Variants in PRELID2 observed in about 807,000 individuals in gnomAD.
The protein encoded by PRELID2 is PRELI domain-containing protein 2.
In PRELID2, 25 loss-of-function variants were observed where a neutral mutation model predicts 28.4. The observed-to-expected ratio is 0.88, with a 90% CI of 0.64 to 1.23. PRELID2 has a LOEUF of 1.23. Among genes scored for constraint, PRELID2 ranks in the 50% most tolerant of loss-of-function variants. The probability of loss-of-function intolerance (pLI) is 0.00; values close to 1 mark genes in which losing one functional copy is unlikely to be tolerated. For missense variants in PRELID2, 201 were observed against 214.4 expected (o/e 0.94, Z 0.39); for synonymous variants, 76 against 71.6 (o/e 1.06, Z -0.31).
chr5:145,799,166 T>A (rs1200133463), intron 4 of PRELID2, among the ~76,000 whole-genome samples: 2 of 150,616 alleles, frequency 1.3e-5, no homozygotes, highest in African/African-American at 4.9e-5. Context: ...TTCAGTAGAT[T>A]ACTTGGCAGA....
intron 1 of PRELID2, among the ~76,000 whole-genome samples, chr5:145,608,415 G>T (rs979908357): frequency 3.9e-5 from 6 of 152,112 alleles, no homozygotes; most frequent in Non-Finnish European, 7.4e-5. Flanking sequence ...CTCCCTTAAG[G>T]ATCTCTTGTA....
intron 1 of PRELID2, among the ~76,000 whole-genome samples, chr5:145,547,024 G>T: frequency 6.6e-6 from 1 of 152,272 alleles, no homozygotes; most frequent in East Asian, 1.9e-4. Flanking sequence ...GAAATGCTTA[G>T]CACAATGTCT....
the PRELID2 span, among the ~76,000 whole-genome samples, chr5:145,254,001 TCACA>T: frequency 2.6e-5 from 4 of 151,592 alleles, no homozygotes; most frequent in African/African-American, 4.8e-5. Flanking sequence ...TTGTAAGGAT[TCACA>T]CACACACACA....
At chr5:145,783,611 A>G (rs1002192237) in intron 5 of PRELID2, among the ~76,000 whole-genome samples, 4 of 152,232 alleles carry the variant, frequency 2.6e-5, no homozygotes, top group Admixed American at 2.6e-4. Flanking sequence ...ATTAAAAAGT[A>G]TTATCAACAG....
intron 1 of PRELID2, among the ~76,000 whole-genome samples, chr5:145,566,839 CAAAAAA>C (rs537384269): frequency 1.7e-5 from 1 of 58,146 alleles, no homozygotes; most frequent in Non-Finnish European, 4.7e-5. Context: ...GACTCCATCT[CAAAAAA>C]AAAAAAAAAA....
Position 145,508,257 on chromosome 5 carries a change from C to CAGATAGATAGATAGATAGAT in PRELID2, n.71-34962_71-34943dup, listed in dbSNP as rs58785072. On this transcript the variant is annotated intron_variant and non_coding_transcript_variant, in intron 1 of 2. Transcript: ENST00000510259. Reference sequence around the variant, plus strand: ...TAGGCTGGAGTTACTTTTGCATAGACAGATAGATAGATAGATAGATAGATA... The same window carrying CAGATAGATAGATAGATAGAT: ...TAGGCTGGAGTTACTTTTGCATAGACAGATAGATAGATAGATAGATAGATAGATAGATAGATAGATAGATA... Among the ~76,000 whole-genome samples the CAGATAGATAGATAGATAGAT allele has an allele frequency of 1.5e-3, 221 of 149,618 alleles. 2 individuals are homozygous for CAGATAGATAGATAGATAGAT. Among genetic ancestry groups the CAGATAGATAGATAGATAGAT allele is most frequent in the East Asian group, 6.0e-3 (30 of 5,004 alleles).
intron 1 of PRELID2, among the ~76,000 whole-genome samples, chr5:145,829,363 G>A (rs1755433210): frequency 1.3e-5 from 2 of 152,076 alleles, no homozygotes; most frequent in Non-Finnish European, 2.9e-5. Context: ...AGTTAGTAAT[G>A]ATTTCTGAGG....
intron 5 of PRELID2, among the ~76,000 whole-genome samples, chr5:145,765,493 C>T (rs1336870701): frequency 6.6e-6 from 1 of 152,124 alleles, no homozygotes; most frequent in Non-Finnish European, 1.5e-5. Context: ...CACAGCCACC[C>T]TCTGCCAAAG....
At chr5:145,621,558 T>A (rs1287687615) in intron 1 of PRELID2, among the ~76,000 whole-genome samples, 1 of 152,210 alleles carries the variant, frequency 6.6e-6, no homozygotes, top group Non-Finnish European at 1.5e-5. Context: ...AATGAAATAT[T>A]ATTCTACAAT....
At chr5:145,481,650 A>AAAAAAAAAAAAAG (rs1752162758) in intron 1 of PRELID2, among the ~76,000 whole-genome samples, 1 of 117,852 alleles carries the variant, frequency 8.5e-6, no homozygotes, top group East Asian at 2.2e-4. Flanking sequence ...AAAAAAAAAA[A>AAAAAAAAAAAAAG]AAAGAAAGAA....
At chr5:145,529,985 T>C (rs948947327) in intron 1 of PRELID2, among the ~76,000 whole-genome samples, 4 of 152,178 alleles carry the variant, frequency 2.6e-5, no homozygotes, top group African/African-American at 9.6e-5. Flanking sequence ...TATACAATGA[T>C]CTGCTTTACT....
the PRELID2 span, among the ~76,000 whole-genome samples, chr5:145,265,703 AGT>A: frequency 6.6e-6 from 1 of 152,132 alleles, no homozygotes; most frequent in Non-Finnish European, 1.5e-5. Flanking sequence ...AAAAACATAA[AGT>A]GGTGAAAAGA....
chr5:145,664,905 T>C (rs1035050215), intron 1 of PRELID2, among the ~76,000 whole-genome samples: 1 of 152,112 alleles, frequency 6.6e-6, no homozygotes, highest in Non-Finnish European at 1.5e-5. Context: ...CTGGTTCTTA[T>C]GGCCACAGGT....
the PRELID2 span, among the ~76,000 whole-genome samples, chr5:145,272,213 A>AT: frequency 6.6e-6 from 1 of 152,286 alleles, no homozygotes; most frequent in African/African-American, 2.4e-5. Context: ...ATTAAATTTG[A>AT]TTATACTGAG....
the PRELID2 span, among the ~76,000 whole-genome samples, chr5:145,372,730 C>A: frequency 6.6e-6 from 1 of 150,812 alleles, no homozygotes; most frequent in Admixed American, 6.7e-5. Context: ...TATTTTTAGC[C>A]TAGGTGGGTC....
the PRELID2 span, among the ~76,000 whole-genome samples, chr5:145,262,302 G>GTTA: frequency 6.6e-5 from 10 of 152,044 alleles, no homozygotes; most frequent in African/African-American, 2.4e-4. Flanking sequence ...ACTTCCTAGA[G>GTTA]AGCTAGACAT....
intron 1 of PRELID2, among the ~76,000 whole-genome samples, chr5:145,480,733 G>A (rs1752150992): frequency 6.6e-6 from 1 of 151,996 alleles, no homozygotes. Context: ...AAGCCTCCCT[G>A]AGATCTGCTA....
the PRELID2 span, among the ~76,000 whole-genome samples, chr5:145,415,887 G>A: frequency 3.9e-3 from 589 of 151,780 alleles, 6 homozygotes; most frequent in African/African-American, 0.013. Flanking sequence ...ACTACTTTAC[G>A]GTCCCACCAA....
chr5:145,812,408 T>G (rs1240520482), intron 4 of PRELID2, among the ~76,000 whole-genome samples: 1 of 152,218 alleles, frequency 6.6e-6, no homozygotes, highest in African/African-American at 2.4e-5. Flanking sequence ...ATTCTAAAGC[T>G]AATCAGCCCA....
Sources: allele counts gnomAD v4.1 joint callset (sites outside exome capture counted in the v4.1 genomes callset), GRCh38; gene constraint gnomAD v4.1.1; transcripts MANE v1.5; gene names NCBI Gene and HGNC (gene_info 2026-07-23, HGNC 2026-07-21).